TASP1: variants seen among roughly 807,000 people sequenced by gnomAD.
TASP1 encodes threonine aspartase 1.
In TASP1, 16 loss-of-function variants were observed where a neutral mutation model predicts 56.6. The ratio of observed to expected loss-of-function variants is 0.28; its 90% CI spans 0.19 to 0.43. TASP1 has a LOEUF of 0.43. Ranked by LOEUF, TASP1 falls within the 20% of genes least tolerant of loss-of-function variation. The pLI, the probability that TASP1 is intolerant of heterozygous loss-of-function variation, is 1.00. For missense variants in TASP1, 393 were observed against 511.6 expected (o/e 0.77, Z 2.24); for synonymous variants, 179 against 184.2 (o/e 0.97, Z 0.23).
chr20:13,364,457 C>T, the TASP1 span, among the ~76,000 whole-genome samples: 4 of 152,106 alleles, frequency 2.6e-5, no homozygotes, highest in Non-Finnish European at 4.4e-5. Context: ...TTAATGGCCC[C>T]ATGGCCATGG....
chr20:13,290,690 A>G, the TASP1 span, among the ~76,000 whole-genome samples: 4 of 152,302 alleles, frequency 2.6e-5, no homozygotes, highest in African/African-American at 9.6e-5. Flanking sequence ...AAATGAAGAT[A>G]AAGGTGAAGA....
chr20:13,424,117 A>G (rs1445003770), intron 12 of TASP1, among the ~76,000 whole-genome samples: 1 of 152,214 alleles, frequency 6.6e-6, no homozygotes, highest in African/African-American at 2.4e-5. Flanking sequence ...AACTTCCTCA[A>G]GCTGCTTTTC....
At chr20:13,157,362 G>A in the TASP1 span, among the ~76,000 whole-genome samples, 2 of 151,904 alleles carry the variant, frequency 1.3e-5, no homozygotes, top group African/African-American at 4.8e-5. Context: ...GCTGGAACCC[G>A]GGAGGTGGAG....
At chr20:13,497,719 T>C (rs2043785185) in intron 10 of TASP1, among the ~76,000 whole-genome samples, 1 of 152,146 alleles carries the variant, frequency 6.6e-6, no homozygotes, top group Non-Finnish European at 1.5e-5. Flanking sequence ...GGCATCACAC[T>C]ATCTGACTTT....
chr20:13,175,795 T>G, the TASP1 span, among the ~76,000 whole-genome samples: 1 of 152,310 alleles, frequency 6.6e-6, no homozygotes, highest in African/African-American at 2.4e-5. Flanking sequence ...CCACTGAGAT[T>G]CTACAGAAGA....
At chr20:13,533,349 G>A (rs2146891608) in intron 9 of TASP1, among the ~76,000 whole-genome samples, 1 of 152,250 alleles carries the variant, frequency 6.6e-6, no homozygotes, top group East Asian at 1.9e-4. Context: ...TTTATCCTCA[G>A]AAAGCTTCCT....
At chr20:13,226,923 C>T in the TASP1 span, among the ~76,000 whole-genome samples, 3 of 151,946 alleles carry the variant, frequency 2.0e-5, no homozygotes, top group South Asian at 2.1e-4. Context: ...GAAGAGCATG[C>T]GTACAGGGAG....
the TASP1 span, among the ~76,000 whole-genome samples, chr20:13,124,502 C>CA: frequency 6.7e-6 from 1 of 149,580 alleles, no homozygotes; most frequent in Non-Finnish European, 1.5e-5. Context: ...AAGGAAGAAA[C>CA]AAAAAAACAA....
intron 11 of TASP1, among the ~76,000 whole-genome samples, chr20:13,439,856 AT>A (rs1600802776): frequency 1.3e-5 from 2 of 152,220 alleles, no homozygotes; most frequent in Admixed American, 6.5e-5. Context: ...ACTAGAAAAA[AT>A]AAAAGGAGTA....
At chr20:13,218,173 C>A in the TASP1 span, among the ~76,000 whole-genome samples, 5 of 151,608 alleles carry the variant, frequency 3.3e-5, no homozygotes, top group African/African-American at 9.7e-5. Flanking sequence ...ATTGCTTGAA[C>A]CTGGGAAGCA....
In TASP1 at chr20:13,588,288, AGG is replaced by A. The variant is rs879891985; in HGVS notation, c.283-920_283-919del. 7.9e-3 allele frequency among the ~76,000 whole-genome samples: 1,117 copies of A among 141,526 alleles called. 11 individuals are homozygous for A. The highest frequency in any genetic ancestry group is 0.023 in the South Asian group (99 of 4,386). The allele number at this position is 141,526 out of a possible 152,430, so 92.8% of individuals were successfully genotyped here. On this transcript the variant is annotated intron_variant, in intron 4 of 13. Transcript: ENST00000337743. ...AAGGAAGGAAGGAAGGAAGGAAGGA[AGG>A]AAGGAAGGAAGGAAGGAAGAGAAAG...
intron 4 of TASP1, among the ~76,000 whole-genome samples, chr20:13,591,190 A>C (rs1251022337): frequency 1.3e-5 from 2 of 152,148 alleles, no homozygotes; most frequent in Non-Finnish European, 2.9e-5. Flanking sequence ...CAATAAAAAT[A>C]TTAGCCAAAA....
intron 10 of TASP1, among the ~76,000 whole-genome samples, chr20:13,491,909 T>C (rs2043546144): frequency 2.0e-5 from 3 of 152,220 alleles, no homozygotes; most frequent in Non-Finnish European, 2.9e-5. Flanking sequence ...GACAATAATA[T>C]AATTGCTCCA....
At chr20:13,107,766 G>GA in the TASP1 span, among the ~76,000 whole-genome samples, 171 of 140,440 alleles carry the variant, frequency 1.2e-3, no homozygotes, top group African/African-American at 4.7e-3. Context: ...GAAAGGAAAG[G>GA]AAAATGACCT....
the TASP1 span, among the ~76,000 whole-genome samples, chr20:13,378,259 T>C: frequency 6.6e-6 from 1 of 152,346 alleles, no homozygotes; most frequent in Middle Eastern, 3.4e-3. Flanking sequence ...GTCCCAGAGA[T>C]TCTGTTACAT....
chr20:13,615,485 A>G (rs2048489695), intron 4 of TASP1, among the ~76,000 whole-genome samples: 1 of 150,646 alleles, frequency 6.6e-6, no homozygotes, highest in Non-Finnish European at 1.5e-5. Context: ...AAGATTTAGA[A>G]TCTTGATGAG....
chr20:13,108,493 G>A, the TASP1 span, among the ~76,000 whole-genome samples: 1 of 152,210 alleles, frequency 6.6e-6, no homozygotes, highest in Non-Finnish European at 1.5e-5. Context: ...AGACCAGTGA[G>A]TGATAAGCCA....
intron 4 of TASP1, among the ~76,000 whole-genome samples, chr20:13,602,956 C>T (rs909796041): frequency 6.6e-6 from 1 of 152,044 alleles, no homozygotes; most frequent in Non-Finnish European, 1.5e-5. Flanking sequence ...TGGGGCCAGG[C>T]ATGGTGGCTC....
At chr20:13,311,243 T>TAGATGATAGATA in the TASP1 span, among the ~76,000 whole-genome samples, 2,436 of 127,820 alleles carry the variant, frequency 0.019, 24 homozygotes, top group Middle Eastern at 0.035. Context: ...GATAGATAGA[T>TAGATGATAGATA]GATAGATAGA....
Sources: gnomAD v4.1 joint callset for allele counts (sites outside exome capture counted in the v4.1 genomes callset) on GRCh38, gnomAD v4.1.1 for gene constraint, MANE v1.5 for transcripts, NCBI Gene and HGNC (gene_info 2026-07-23, HGNC 2026-07-21) for gene names.